INIP: variants seen among roughly 807,000 people sequenced by gnomAD.
The protein encoded by INIP is INTS3 and NABP interacting protein.
Under a neutral mutation model 14.0 loss-of-function variants are expected in INIP, and 9 were observed. The observed-to-expected ratio is 0.64, with a 90% CI of 0.39 to 1.12. The LOEUF (loss-of-function observed/expected upper bound fraction) is 1.12, where lower values mean the gene tolerates loss of function less well. Among genes scored for constraint, INIP ranks in the 50% most tolerant of loss-of-function variants. The probability of loss-of-function intolerance (pLI) is 0.01; values close to 1 mark genes in which losing one functional copy is unlikely to be tolerated. For synonymous variants in INIP, 37 were observed against 41.5 expected (o/e 0.89, Z 0.41); for missense variants, 78 against 122.7 (o/e 0.64, Z 1.72).
rs1235662019 is a variant in INIP at position 112,701,900 on chromosome 9, A to AT, written c.26-7668dup. On this transcript the variant is annotated intron_variant, in intron 2 of 4. Coordinates refer to ENST00000374242, the MANE Select transcript of INIP (RefSeq NM_021218.3). ...CCTTGTCTGTACAAAAAAAAAAAAA[A>AT]TTTTTTTAATTTAGCAGGGCATGAT... 24 of 151,218 alleles carry AT rather than the reference A, an allele frequency of 1.6e-4. No individual in the cohort carries two copies. The South Asian group carries it at 1.9e-3, about 12-fold the overall frequency. The allele number at this position is 151,218 out of a possible 1,614,324, so 9.4% of individuals were successfully genotyped here.
chr9:112,695,110 A>G (rs947694828), intron 2 of INIP, among the ~76,000 whole-genome samples: 6 of 152,172 alleles, frequency 3.9e-5, no homozygotes, highest in African/African-American at 1.4e-4. Flanking sequence ...CAGAACTAAG[A>G]AATAGTTGTC....
At chr9:112,698,030 C>T (rs533604790) in intron 2 of INIP, among the ~76,000 whole-genome samples, 6 of 152,138 alleles carry the variant, frequency 3.9e-5, no homozygotes, top group Admixed American at 6.5e-5. Flanking sequence ...GTAGGCTGGG[C>T]GCGGTGGCTC....
At position 112,689,541 on chromosome 9, in the gene INIP, T is replaced by G. The variant is rs773787022; in HGVS notation, c.205A>C (p.Lys69Gln). 1.2e-6 allele frequency: 2 copies of G among 1,614,112 alleles called. No individual in the cohort carries two copies. Among genetic ancestry groups the G allele is most frequent in the East Asian group, 2.2e-5 (1 of 44,880 alleles). Residue 69 changes from lysine (K) to glutamine (Q), a missense_variant, in exon 4 of 5, where the codon AAG becomes CAG. Physicochemically the swap from Lys to Gln is moderately conservative, Grantham distance 53. Coordinates refer to ENST00000374242, the MANE Select transcript of INIP (RefSeq NM_021218.3). ...AEQQHIAAQQ[K>Q]AALQHAHAHS... ...ACACTGCTCACCTGCAAAGCTGCCTTCTGTTGGGCTGCAATATGCTGCTGC... is the reference window on the plus strand; with the variant it reads ...ACACTGCTCACCTGCAAAGCTGCCTGCTGTTGGGCTGCAATATGCTGCTGC...
intron 2 of INIP, among the ~76,000 whole-genome samples, chr9:112,701,463 G>C (rs1299674262): frequency 6.6e-6 from 1 of 152,206 alleles, no homozygotes; most frequent in Non-Finnish European, 1.5e-5. Context: ...AGGTATTATT[G>C]ATTTTATACA....
chr9:112,707,287 A>C (rs1304668499), intron 2 of INIP, among the ~76,000 whole-genome samples: 2 of 119,708 alleles, frequency 1.7e-5, no homozygotes, highest in African/African-American at 6.3e-5. Flanking sequence ...ATATCCCTTT[A>C]TAACTAACCT....
At chr9:112,705,296 A>T (rs1374966732) in intron 2 of INIP, among the ~76,000 whole-genome samples, 1 of 152,048 alleles carries the variant, frequency 6.6e-6, no homozygotes, top group African/African-American at 2.4e-5. Context: ...CTTATAAACA[A>T]TGTCTAAATG....
chr9:112,704,479 C>T (rs757932074), intron 2 of INIP, among the ~76,000 whole-genome samples: 2 of 152,126 alleles, frequency 1.3e-5, no homozygotes, highest in Non-Finnish European at 1.5e-5. Context: ...TAACTCTAGG[C>T]TGCAAGAAAC....
chr9:112,713,027 G>A (rs1463041839), intron 2 of INIP, among the ~76,000 whole-genome samples: 4 of 152,272 alleles, frequency 2.6e-5, no homozygotes, highest in East Asian at 1.9e-4. Flanking sequence ...AAAGGCAAGC[G>A]AGACTGGGAG....
At chr9:112,711,244 T>G (rs920166642) in intron 2 of INIP, among the ~76,000 whole-genome samples, 1 of 152,122 alleles carries the variant, frequency 6.6e-6, no homozygotes, top group Non-Finnish European at 1.5e-5. Flanking sequence ...AAAATTTCAC[T>G]GGAGTCCGGG....
At chr9:112,689,376 T>C (rs925635883) in intron 4 of INIP, 151 bp downstream of exon 4, 4 of 643,160 alleles carry the variant, frequency 6.2e-6, no homozygotes, top group African/African-American at 5.5e-5. Flanking sequence ...CTTCAAATCC[T>C]CTGGGCTTGA....
At chr9:112,707,416 A>G (rs1838512241) in intron 2 of INIP, among the ~76,000 whole-genome samples, 2 of 151,186 alleles carry the variant, frequency 1.3e-5, no homozygotes, top group Admixed American at 1.3e-4. Flanking sequence ...CTATAACACT[A>G]TCTCCATTCA....
At chr9:112,713,044 C>T (rs931352156) in intron 2 of INIP, among the ~76,000 whole-genome samples, 4 of 152,152 alleles carry the variant, frequency 2.6e-5, no homozygotes, top group Non-Finnish European at 4.4e-5. Context: ...GGAGGAAATA[C>T]GTGCAAAACA....
intron 2 of INIP, among the ~76,000 whole-genome samples, chr9:112,713,235 T>C (rs1838701846): frequency 6.6e-6 from 1 of 152,230 alleles, no homozygotes; most frequent in African/African-American, 2.4e-5. Context: ...AGGAAATGCA[T>C]TTTAATACTA....
intron 2 of INIP, among the ~76,000 whole-genome samples, chr9:112,707,531 T>C (rs7869205): frequency 2.0e-5 from 3 of 152,190 alleles, no homozygotes; most frequent in African/African-American, 7.2e-5. Context: ...CTCCCGCACA[T>C]TTCTTTGTCA....
At chr9:112,691,245 G>A (rs1218872327) in intron 3 of INIP, among the ~76,000 whole-genome samples, 2 of 152,210 alleles carry the variant, frequency 1.3e-5, no homozygotes, top group African/African-American at 4.8e-5. Context: ...ACAAGAGAAT[G>A]GTGAATGCTT....
chr9:112,708,414 T>C (rs1838548837), intron 2 of INIP, among the ~76,000 whole-genome samples: 1 of 152,178 alleles, frequency 6.6e-6, no homozygotes, highest in African/African-American at 2.4e-5. Context: ...TAAAAGTTTT[T>C]AGTGGATGGA....
rs146272602 is a variant in INIP at position 112,696,404 on chromosome 9, G to C, written c.26-2171C>G. Among the ~76,000 whole-genome samples the C allele has an allele frequency of 4.2e-3, 644 of 152,282 alleles. 1 individual carries two copies. The highest frequency in any genetic ancestry group is 0.024 in the Middle Eastern group (7 of 294). On this transcript the variant is annotated intron_variant, in intron 2 of 4. Transcript: ENST00000374242. The stretch of plus-strand genomic sequence containing the variant: ...TCTCGAGAGAAGTCTTCTACTCAAG[G>C]AAAGATTTAATACAGCTTTGAGAGA...
chr9:112,688,117 TAAATA>T (rs984548923), intron 4 of INIP, among the ~76,000 whole-genome samples: 1 of 151,598 alleles, frequency 6.6e-6, no homozygotes, highest in Non-Finnish European at 1.5e-5. Flanking sequence ...AATAAATAAA[TAAATA>T]AATCAGTTTT....
At position 112,690,388 on chromosome 9, in the gene INIP, G is replaced by A. The variant is rs139158454; in HGVS notation, c.129-771C>T. Among the ~76,000 whole-genome samples, 29 of 152,186 alleles carry A rather than the reference G, an allele frequency of 1.9e-4. No homozygotes were observed. The East Asian group carries it at 5.4e-3, about 28-fold the overall frequency. ...TGCGATTCCAGCTACGTGGGAGGCTGAGATGGGAGGATCGCTTAAGCTTGG... is the reference window on the plus strand; with the variant it reads ...TGCGATTCCAGCTACGTGGGAGGCTAAGATGGGAGGATCGCTTAAGCTTGG... On this transcript the variant is annotated intron_variant, in intron 3 of 4. Transcript: ENST00000374242.
Sources: allele counts gnomAD v4.1 joint callset (sites outside exome capture counted in the v4.1 genomes callset), GRCh38; gene constraint gnomAD v4.1.1; transcripts MANE v1.5; gene names NCBI Gene and HGNC (gene_info 2026-07-23, HGNC 2026-07-21).